Variants in EBF3 observed in about 807,000 individuals in gnomAD.
EBF3 encodes transcription factor COE3.
A neutral mutation model predicts 77.1 loss-of-function variants in EBF3; 18 were observed. That is an observed-to-expected ratio of 0.23 (90% CI 0.16 to 0.35). The LOEUF (loss-of-function observed/expected upper bound fraction) is 0.35, where lower values mean the gene tolerates loss of function less well. Among genes scored for constraint, EBF3 ranks in the 10% least tolerant of loss-of-function variants. The probability of loss-of-function intolerance (pLI) is 1.00; values close to 1 mark genes in which losing one functional copy is unlikely to be tolerated. For synonymous variants in EBF3, 350 were observed against 343.5 expected (o/e 1.02, Z -0.21); for missense variants, 558 against 860.0 (o/e 0.65, Z 4.39).
Position 129,885,860 on chromosome 10 carries a change from T to C in EBF3, c.555-8011A>G, listed in dbSNP as rs913453868. 1.3e-5 allele frequency among the ~76,000 whole-genome samples: 2 copies of C among 152,138 alleles called. No homozygotes were observed. The highest frequency in any genetic ancestry group is 2.9e-5 in the Non-Finnish European group (2 of 68,030). ...AGGCTTTTACAGGTTATGCAGAGAT[T>C]AAGTGCCTATGCTTATCCCAACTTA... On this transcript the variant is annotated intron_variant, in intron 6 of 16. Coordinates refer to ENST00000440978, the MANE Select transcript of EBF3 (RefSeq NM_001375380.1). The surrounding 1 kb of genome is among the most constrained non-coding windows in gnomAD (Gnocchi z 4.0).
chr10:129,909,231 T>C (rs536878060), intron 6 of EBF3, among the ~76,000 whole-genome samples: 9 of 152,172 alleles, frequency 5.9e-5, no homozygotes, highest in Non-Finnish European at 8.8e-5. Context: ...CATGGAGGGA[T>C]AGGCCCTCTG....
At chr10:129,941,236 C>T (rs1056206928) in intron 6 of EBF3, among the ~76,000 whole-genome samples, 7 of 152,206 alleles carry the variant, frequency 4.6e-5, no homozygotes, top group Non-Finnish European at 1.0e-4. Context: ...ATGGGCTTAG[C>T]GAGACTTAGC....
In EBF3 at chr10:129,863,900, C is replaced by T. The variant is rs1018581186; in HGVS notation, c.1039+3241G>A. Among the ~76,000 whole-genome samples the T allele has an allele frequency of 2.6e-5, 4 of 152,098 alleles. No homozygotes were observed. The highest frequency in any genetic ancestry group is 2.9e-5 in the Non-Finnish European group (2 of 67,990). ...GGTGTGGGGGAGCCAATAGGTTAAC[C>T]TCCAGCCAGGAAAGGCTGGGCTGTG... On this transcript the variant is annotated intron_variant, in intron 10 of 16. Transcript: ENST00000440978. This position sits in a 1 kb window ranked among gnomAD's most constrained non-coding sequence, Gnocchi z 4.0.
intron 10 of EBF3, among the ~76,000 whole-genome samples, chr10:129,854,505 G>GA (rs11370096): frequency 0.16 from 23,361 of 150,260 alleles, 3,843 homozygotes; most frequent in African/African-American, 0.42. Context: ...AGCAAAAATA[G>GA]AAAAAAAAAA....
chr10:129,862,094 C>T (rs1441378427), intron 10 of EBF3, among the ~76,000 whole-genome samples: 1 of 152,152 alleles, frequency 6.6e-6, no homozygotes, highest in African/African-American at 2.4e-5. Flanking sequence ...GCCAGGACAG[C>T]CCTGGAGGAC....
In EBF3 at chr10:129,837,821, TG is replaced by T; in HGVS notation, c.*121del. On this transcript the variant is annotated 3_prime_UTR_variant, in exon 17 of 17. Transcript: ENST00000440978. ...TCTTTTGTAGCATTTCAATTGCTGC[TG>T]ATTTTTTTGAAGATACTGTTTCCAT... 3 of 1,335,480 alleles carry T rather than the reference TG, an allele frequency of 2.2e-6. No homozygotes were observed. Among genetic ancestry groups the T allele is most frequent in the Admixed American group, 2.0e-5 (1 of 49,488 alleles). The allele number at this position is 1,335,480 out of a possible 1,614,324, so 82.7% of individuals were successfully genotyped here.
At chr10:129,950,149 G>T (rs939696638) in intron 6 of EBF3, among the ~76,000 whole-genome samples, 14 of 152,018 alleles carry the variant, frequency 9.2e-5, no homozygotes, top group Non-Finnish European at 1.8e-4. Context: ...CGCTGGAGCC[G>T]ACTCCTTCCG....
At chr10:129,937,539 G>A (rs1857445714) in intron 6 of EBF3, among the ~76,000 whole-genome samples, 1 of 152,174 alleles carries the variant, frequency 6.6e-6, no homozygotes, top group Non-Finnish European at 1.5e-5. Context: ...CTGTCCATCC[G>A]CACATTCCCA....
chr10:129,951,913 T>G (rs914440566), intron 6 of EBF3, among the ~76,000 whole-genome samples: 4 of 152,314 alleles, frequency 2.6e-5, no homozygotes, highest in South Asian at 4.1e-4. Context: ...GGGGAAAAAT[T>G]GAAAGGATGA....
intron 6 of EBF3, among the ~76,000 whole-genome samples, chr10:129,878,682 A>G (rs894659721): frequency 4.7e-5 from 7 of 150,494 alleles, no homozygotes; most frequent in Non-Finnish European, 5.9e-5. Context: ...AAAAAAAAAA[A>G]AGAGTTACAG....
In EBF3 at chr10:129,841,038, G is replaced by C. The variant is rs778413194; in HGVS notation, c.1373-6C>G. On this transcript the variant is annotated splice_region_variant and splice_polypyrimidine_tract_variant and intron_variant, in intron 13 of 16. Transcript: ENST00000440978. This position sits in a 1 kb window ranked among gnomAD's most constrained non-coding sequence, Gnocchi z 4.6. The stretch of plus-strand genomic sequence containing the variant: ...TGTATTGCGACTGTAGCCGACTGTT[G>C]AAATCCCCCCCCCGGCCAAAAATAA... 2 of 1,343,046 alleles carry C rather than the reference G, an allele frequency of 1.5e-6. No homozygotes were observed. The highest frequency in any genetic ancestry group is 1.4e-5 in the South Asian group (1 of 72,990). 83.2% of individuals were successfully genotyped at this position (1,343,046 alleles called of 1,614,324 possible).
intron 6 of EBF3, among the ~76,000 whole-genome samples, chr10:129,909,697 C>A (rs1471111265): frequency 6.6e-6 from 1 of 152,172 alleles, no homozygotes; most frequent in East Asian, 1.9e-4. Flanking sequence ...CCTGCTTGTA[C>A]CCCATCCAAG....
intron 6 of EBF3, among the ~76,000 whole-genome samples, chr10:129,956,698 T>C (rs1195100338): frequency 6.6e-6 from 1 of 152,244 alleles, no homozygotes; most frequent in Non-Finnish European, 1.5e-5. Context: ...GTAACCAGCA[T>C]GTGTAATTAG....
At chr10:129,910,110 C>A (rs1411122589) in intron 6 of EBF3, among the ~76,000 whole-genome samples, 1 of 152,122 alleles carries the variant, frequency 6.6e-6, no homozygotes, top group South Asian at 2.1e-4. Context: ...CGAGCCCGCC[C>A]GGGGCTGGAG....
chr10:129,865,657 T>C (rs1206663963), intron 10 of EBF3, among the ~76,000 whole-genome samples: 2 of 152,138 alleles, frequency 1.3e-5, no homozygotes, highest in African/African-American at 4.8e-5. Context: ...AGGCACACCC[T>C]GGGGTGACGC....
intron 6 of EBF3, among the ~76,000 whole-genome samples, chr10:129,886,033 A>ATTTTTTT (rs59542647): frequency 4.0e-5 from 5 of 126,296 alleles, no homozygotes; most frequent in East Asian, 2.7e-4. Flanking sequence ...TTTGGTTTTA[A>ATTTTTTT]TTTTTTTTTT....
Position 129,936,535 on chromosome 10 carries a change from G to A in EBF3, c.554+20723C>T, listed in dbSNP as rs533722492. ...TGCAGGGGACCCTCAGCTGTGTGGG[G>A]AACCAGGGGCTGTGGGGGGACCCTC... On this transcript the variant is annotated intron_variant, in intron 6 of 16. Coordinates refer to ENST00000440978, the MANE Select transcript of EBF3 (RefSeq NM_001375380.1). Among the ~76,000 whole-genome samples the A allele has an allele frequency of 4.6e-5, 7 of 152,206 alleles. No homozygotes were observed. In the South Asian group the frequency reaches 1.5e-3, roughly 32 times the overall value.
intron 6 of EBF3, among the ~76,000 whole-genome samples, chr10:129,909,885 G>A (rs377465125): frequency 1.3e-5 from 2 of 152,226 alleles, no homozygotes; most frequent in Non-Finnish European, 2.9e-5. Flanking sequence ...ACTCCTGGAA[G>A]GCCTGTCAAT....
intron 6 of EBF3, among the ~76,000 whole-genome samples, chr10:129,914,740 C>A (rs778695767): frequency 1.3e-5 from 2 of 152,154 alleles, no homozygotes; most frequent in Non-Finnish European, 2.9e-5. Flanking sequence ...GCATGGGAGA[C>A]CCTGGGAGGC....
Sources: gnomAD v4.1 joint callset for allele counts (sites outside exome capture counted in the v4.1 genomes callset) on GRCh38, gnomAD v4.1.1 for gene constraint, Gnocchi (gnomAD v3.1) non-coding constraint, MANE v1.5 for transcripts, NCBI Gene and HGNC (gene_info 2026-07-23, HGNC 2026-07-21) for gene names.